The following PCDHGA1 variants were observed in gnomAD, a reference collection of about 807,000 sequenced individuals.
The protein encoded by PCDHGA1 is protocadherin gamma subfamily A, 1.
Under a neutral mutation model 58.0 loss-of-function variants are expected in PCDHGA1, and 32 were observed. The observed-to-expected ratio is 0.55, with a 90% CI of 0.42 to 0.74. The LOEUF (loss-of-function observed/expected upper bound fraction) is 0.74, where lower values mean the gene tolerates loss of function less well. PCDHGA1 is among the 30% of genes least tolerant of loss of function. The probability of loss-of-function intolerance (pLI) is 0.00; values close to 1 mark genes in which losing one functional copy is unlikely to be tolerated. For missense variants in PCDHGA1, 1,205 were observed against 1,182.3 expected (o/e 1.02, Z -0.28); for synonymous variants, 498 against 501.1 (o/e 0.99, Z 0.08).
chr5:141,367,803 T>C (rs760615921), intron 1 of PCDHGA1: 4 of 152,152 alleles, frequency 2.6e-5, no homozygotes, highest in African/African-American at 7.2e-5. Flanking sequence ...TCTTCTGTTA[T>C]AGATAAACCC....
At chr5:141,410,281 G>A (rs368378842) in intron 1 of PCDHGA1, 33 of 1,613,938 alleles carry the variant, frequency 2.0e-5, no homozygotes, top group Non-Finnish European at 2.0e-5. Context: ...TTTACCTGGT[G>A]GTGGCCTTGG....
chr5:141,374,409 T>C (rs1392651465), intron 1 of PCDHGA1: 24 of 1,613,920 alleles, frequency 1.5e-5, no homozygotes, highest in Non-Finnish European at 1.9e-5. Context: ...TTTAACATCC[T>C]TGTCGAGGAT....
chr5:141,489,148 C>G lies in PCDHGA1; in HGVS notation c.2422-5659C>G. 1 of 895,318 alleles carries G rather than the reference C, an allele frequency of 1.1e-6. No individual in the cohort carries two copies. Among genetic ancestry groups the G allele is most frequent in the Non-Finnish European group, 1.7e-6 (1 of 589,254 alleles). The allele number at this position is 895,318 out of a possible 1,614,324, so 55.5% of individuals were successfully genotyped here. A position where few individuals can be genotyped will look rare whatever the true frequency, so the allele number is the denominator to read the frequency against. ...CAGTTTTTAAGAGGCTGGAAGGAGA[C>G]ATAAGAGACTTCAGCTGCTGCATTC... On this transcript the variant is annotated intron_variant, in intron 1 of 3. Transcript: ENST00000517417. This position sits in a 1 kb window ranked among gnomAD's most constrained non-coding sequence, Gnocchi z 4.5.
chr5:141,426,431 A>G (rs916399837), intron 1 of PCDHGA1: 1 of 297,328 alleles, frequency 3.4e-6, no homozygotes, highest in Non-Finnish European at 6.7e-6. Context: ...GTGGTGGGGA[A>G]CCTTGCGGAG....
At position 141,389,870 on chromosome 5, in the gene PCDHGA1, C is replaced by T. The variant is rs1395147259; in HGVS notation, c.2421+56765C>T. On this transcript the variant is annotated intron_variant, in intron 1 of 3. Transcript: ENST00000517417. ...CCACTGCCACGTTGCACCTGGTCTT[C>T]GCCGACAGCTTGCAGGAGGTGCTGC... is the stretch of plus-strand genomic sequence containing the variant. The T allele has an allele frequency of 2.5e-6, 4 of 1,613,960 alleles. No individual in the cohort carries two copies. The South Asian group carries it at 3.3e-5, about 13-fold the overall frequency.
At chr5:141,480,695 C>T (rs2099523656) in intron 1 of PCDHGA1, among the ~76,000 whole-genome samples, 2 of 152,146 alleles carry the variant, frequency 1.3e-5, no homozygotes, top group African/African-American at 4.8e-5. Context: ...GAAACCCAGG[C>T]CACACCCCGA....
intron 1 of PCDHGA1, among the ~76,000 whole-genome samples, chr5:141,481,300 GA>G (rs998363845): frequency 3.3e-5 from 5 of 152,248 alleles, no homozygotes; most frequent in African/African-American, 1.2e-4. Context: ...TCATCTAAGG[GA>G]AAAACCTTCC....
intron 1 of PCDHGA1, chr5:141,341,242 C>T (rs1422024298): frequency 6.2e-7 from 1 of 1,614,250 alleles, no homozygotes; most frequent in Non-Finnish European, 8.5e-7. Flanking sequence ...CCCACGAGGT[C>T]TCCCTCACTG....
chr5:141,361,102 G>T lies in PCDHGA1; in HGVS notation c.2421+27997G>T, dbSNP rs1025745459. ...TTACACTCTGAGTATCGAAGCAAAA[G>T]ATCCTGGAGATCTAGCAGCCCACTG... On this transcript the variant is annotated intron_variant, in intron 1 of 3. Coordinates refer to ENST00000517417, the MANE Select transcript of PCDHGA1 (RefSeq NM_018912.3). The T allele has an allele frequency of 3.1e-6, 5 of 1,613,890 alleles. No individual in the cohort carries two copies. In the Admixed American group the frequency reaches 5.0e-5, roughly 16 times the overall value.
chr5:141,389,324 G>A (rs1425596117), intron 1 of PCDHGA1: 2 of 1,613,848 alleles, frequency 1.2e-6, no homozygotes, highest in African/African-American at 1.3e-5. Flanking sequence ...CGGACTTGGG[G>A]CCCAACGGCC....
At chr5:141,502,441 GAT>G (rs2099814262) in intron 2 of PCDHGA1, among the ~76,000 whole-genome samples, 1 of 152,000 alleles carries the variant, frequency 6.6e-6, no homozygotes, top group Non-Finnish European at 1.5e-5. Flanking sequence ...GTTAGATTCA[GAT>G]TACACACCTT....
chr5:141,486,322 A>G lies in PCDHGA1; in HGVS notation c.2422-8485A>G. The G allele has an allele frequency of 1.9e-6, 3 of 1,613,926 alleles. No homozygotes were observed. The highest frequency in any genetic ancestry group is 2.5e-6 in the Non-Finnish European group (3 of 1,179,962). On this transcript the variant is annotated intron_variant, in intron 1 of 3. Coordinates refer to ENST00000517417, the MANE Select transcript of PCDHGA1 (RefSeq NM_018912.3). This position sits in a 1 kb window ranked among gnomAD's most constrained non-coding sequence, Gnocchi z 5.0. ...AGGATCCAGACTCAGGGTCAAACGG[A>G]GATGTGAGCCTCCGCATTCCTGACC...
At chr5:141,409,125 A>AT in intron 1 of PCDHGA1, 1 of 1,613,982 alleles carries the variant, frequency 6.2e-7, no homozygotes, top group African/African-American at 1.3e-5. Flanking sequence ...CAGTCATTTG[A>AT]TTTTGAAGAT....
At chr5:141,380,735 C>T (rs973708229) in intron 1 of PCDHGA1, among the ~76,000 whole-genome samples, 1 of 152,066 alleles carries the variant, frequency 6.6e-6, no homozygotes, top group African/African-American at 2.4e-5. Flanking sequence ...TTCCTTTTCT[C>T]CAAAGAAGGT....
chr5:141,339,207 C>T (rs1218871076), intron 1 of PCDHGA1: 1 of 1,613,978 alleles, frequency 6.2e-7, no homozygotes, highest in African/African-American at 1.3e-5. Context: ...GCTCTGAACC[C>T]GCGAAGCGGC....
Position 141,511,908 on chromosome 5 carries a change from A to T in PCDHGA1, c.*735A>T, listed in dbSNP as rs528200582. The T allele has an allele frequency of 4.5e-5, 7 of 156,536 alleles. No homozygotes were observed. The highest frequency in any genetic ancestry group is 1.9e-4 in the East Asian group (1 of 5,250). The allele number at this position is 156,536 out of a possible 1,614,324, so 9.7% of individuals were successfully genotyped here. A position where few individuals can be genotyped will look rare whatever the true frequency, so the allele number is the denominator to read the frequency against. On this transcript the variant is annotated 3_prime_UTR_variant, in exon 4 of 4. Transcript: ENST00000517417. ...GACTTCCCCCACCTCCTCCTCAAAC[A>T]AGAGACTCCACTGCATGTTCCAAGA...
At chr5:141,467,630 T>A (rs1483747040) in intron 1 of PCDHGA1, among the ~76,000 whole-genome samples, 2 of 152,194 alleles carry the variant, frequency 1.3e-5, no homozygotes, top group African/African-American at 4.8e-5. Flanking sequence ...TGAGATAGCA[T>A]CTTTATCATG....
At chr5:141,450,627 C>G (rs947866993) in intron 1 of PCDHGA1, among the ~76,000 whole-genome samples, 1 of 151,592 alleles carries the variant, frequency 6.6e-6, no homozygotes, top group African/African-American at 2.4e-5. Context: ...GCTGGGATTA[C>G]AGATGCCTGC....
Position 141,393,179 on chromosome 5 carries a change from A to T in PCDHGA1, c.2421+60074A>T, listed in dbSNP as rs375085176. 8.7e-6 allele frequency: 14 copies of T among 1,613,202 alleles called. 2 individuals are homozygous for T. In the East Asian group the frequency reaches 2.5e-4, roughly 28 times the overall value. ...GAAAACTCTTTGGGGTAGAAATAGA[A>T]ATAATTGATATTAACGATAATAACC... On this transcript the variant is annotated intron_variant, in intron 1 of 3. Coordinates refer to ENST00000517417, the MANE Select transcript of PCDHGA1 (RefSeq NM_018912.3).
Sources: gnomAD v4.1 joint callset for allele counts (sites outside exome capture counted in the v4.1 genomes callset) on GRCh38, gnomAD v4.1.1 for gene constraint, Gnocchi (gnomAD v3.1) non-coding constraint, MANE v1.5 for transcripts, NCBI Gene and HGNC (gene_info 2026-07-23, HGNC 2026-07-21) for gene names.